SHOC2: variants seen among roughly 807,000 people sequenced by gnomAD.
SHOC2 encodes the protein SHOC2 leucine rich repeat scaffold protein.
Under a neutral mutation model 50.2 loss-of-function variants are expected in SHOC2, and 4 were observed. The ratio of observed to expected loss-of-function variants is 0.08; its 90% CI spans 0.04 to 0.18. The LOEUF (loss-of-function observed/expected upper bound fraction) is 0.18. Among genes scored for constraint, SHOC2 ranks in the 10% least tolerant of loss-of-function variants. The pLI is 1.00. For missense variants in SHOC2, 388 were observed against 669.6 expected (o/e 0.58, Z 4.64); for synonymous variants, 218 against 244.5 (o/e 0.89, Z 1.01).
At chr10:111,005,978 C>G (rs1366414122) in intron 5 of SHOC2, among the ~76,000 whole-genome samples, 1 of 152,122 alleles carries the variant, frequency 6.6e-6, no homozygotes, top group Non-Finnish European at 1.5e-5. Context: ...AATGGAAATT[C>G]AAGATACTCA....
chr10:110,952,379 G>A (rs1395159150), intron 1 of SHOC2, among the ~76,000 whole-genome samples: 2 of 152,012 alleles, frequency 1.3e-5, no homozygotes, highest in Admixed American at 1.3e-4. Flanking sequence ...CACAGAAAGT[G>A]CATAGTTTAC....
intron 1 of SHOC2, among the ~76,000 whole-genome samples, chr10:110,951,439 A>G (rs1435811288): frequency 6.6e-6 from 1 of 152,200 alleles, no homozygotes; most frequent in African/African-American, 2.4e-5. Flanking sequence ...ACACTGTTGT[A>G]AATTGGTACA....
At chr10:110,968,356 T>C (rs949883287) in intron 2 of SHOC2, among the ~76,000 whole-genome samples, 2 of 152,132 alleles carry the variant, frequency 1.3e-5, no homozygotes, top group African/African-American at 4.8e-5. Context: ...GTTTATAAAA[T>C]AAGACCTGTG....
At chr10:110,976,643 A>G (rs1847883591) in intron 2 of SHOC2, among the ~76,000 whole-genome samples, 3 of 152,162 alleles carry the variant, frequency 2.0e-5, no homozygotes. Flanking sequence ...TTTTCCTAAT[A>G]TAGCAATGCT....
chr10:111,005,817 T>A (rs1411751878), intron 5 of SHOC2, among the ~76,000 whole-genome samples: 1 of 152,240 alleles, frequency 6.6e-6, no homozygotes, highest in Admixed American at 6.5e-5. Flanking sequence ...GCTGATAGTA[T>A]TCTTCCTGTC....
chr10:110,985,874 T>A, intron 3 of SHOC2, 109 bp downstream of exon 3: 1 of 916,550 alleles, frequency 1.1e-6, no homozygotes, highest in Non-Finnish European at 1.8e-6. Context: ...AATTCACAAT[T>A]ACCAAAGTTG....
Position 110,966,692 on chromosome 10 carries a change from ATATTTTAAG to A in SHOC2, c.703+1634_703+1642del, listed in dbSNP as rs553513728. ...AGTGAATGTATCTTTTAAAATTGGCATATTTTAAGTAATTATGTGGCTTATATTTGTGGC... is the reference window on the plus strand; with the variant it reads ...AGTGAATGTATCTTTTAAAATTGGCATAATTATGTGGCTTATATTTGTGGC... On this transcript the variant is annotated intron_variant, in intron 2 of 8. Coordinates refer to ENST00000369452, the MANE Select transcript of SHOC2 (RefSeq NM_007373.4). Among the ~76,000 whole-genome samples the A allele has an allele frequency of 3.2e-3, 484 of 152,260 alleles. 25 individuals are homozygous for A. In the South Asian group the frequency reaches 0.092, roughly 29 times the overall value.
At chr10:110,970,194 G>A (rs748468505) in intron 2 of SHOC2, among the ~76,000 whole-genome samples, 17 of 151,814 alleles carry the variant, frequency 1.1e-4, no homozygotes, top group South Asian at 6.2e-4. Flanking sequence ...TCCCCATCCC[G>A]CTGCTCCCCA....
intron 2 of SHOC2, among the ~76,000 whole-genome samples, chr10:110,967,030 A>G (rs1847688525): frequency 6.6e-6 from 1 of 152,170 alleles, no homozygotes. Context: ...CTTTATAGGG[A>G]ACAAGAAAAT....
At chr10:110,936,920 A>G (rs747770016) in intron 1 of SHOC2, 68 of 1,398,300 alleles carry the variant, frequency 4.9e-5, no homozygotes, top group Non-Finnish European at 6.5e-5. Context: ...GATGCAGTCA[A>G]ACACCTTGAG....
In SHOC2 at chr10:111,012,010, T is replaced by C. The variant is rs1848575658; in HGVS notation, c.*192T>C. The C allele has an allele frequency of 1.7e-6, 1 of 586,560 alleles. No individual in the cohort carries two copies. The highest frequency in any genetic ancestry group is 3.0e-6 in the Non-Finnish European group (1 of 333,240). 36.3% of individuals were successfully genotyped at this position (586,560 alleles called of 1,614,324 possible). On this transcript the variant is annotated 3_prime_UTR_variant, in exon 9 of 9. Transcript: ENST00000369452. ...ATTCTGTACAAAAGGCTTATATAAG[T>C]TTTCTTTGCTGAATTTGATGGATGT...
In SHOC2 at chr10:110,979,268, A is replaced by G. The variant is rs553315560; in HGVS notation, c.704-6360A>G. Among the ~76,000 whole-genome samples, 6 of 152,352 alleles carry G rather than the reference A, an allele frequency of 3.9e-5. No individual in the cohort carries two copies. In the South Asian group the frequency reaches 1.2e-3, roughly 32 times the overall value. Reference sequence around the variant, plus strand: ...TCCTTTTCACATGGGTCTTTTCAACATGGCAGCTTGCCTTATCAAAGCGTG... The same window carrying G: ...TCCTTTTCACATGGGTCTTTTCAACGTGGCAGCTTGCCTTATCAAAGCGTG... On this transcript the variant is annotated intron_variant, in intron 2 of 8. Coordinates refer to ENST00000369452, the MANE Select transcript of SHOC2 (RefSeq NM_007373.4).
intron 3 of SHOC2, among the ~76,000 whole-genome samples, chr10:110,999,089 T>C (rs1294543556): frequency 1.3e-5 from 2 of 152,168 alleles, no homozygotes; most frequent in East Asian, 1.9e-4. Context: ...AAAATACTTA[T>C]CTCCAAAAAG....
At position 111,013,632 on chromosome 10, in the gene SHOC2, T is replaced by C. The variant is rs551193817; in HGVS notation, c.*1814T>C. 24 of 152,174 alleles carry C rather than the reference T, an allele frequency of 1.6e-4. No homozygotes were observed. The highest frequency in any genetic ancestry group is 2.6e-4 in the Non-Finnish European group (18 of 67,976). The allele number at this position is 152,174 out of a possible 1,614,324, so 9.4% of individuals were successfully genotyped here. A position where few individuals can be genotyped will look rare whatever the true frequency, so the allele number is the denominator to read the frequency against. On this transcript the variant is annotated 3_prime_UTR_variant, in exon 9 of 9. Coordinates refer to ENST00000369452, the MANE Select transcript of SHOC2 (RefSeq NM_007373.4). ...GTGGCTTTTCAGTTAAAATTTTGTT[T>C]ATAAAAGGAATTTGTTTATTACAGC...
intron 1 of SHOC2, among the ~76,000 whole-genome samples, chr10:110,952,889 A>G (rs1269442874): frequency 1.3e-5 from 2 of 152,182 alleles, no homozygotes; most frequent in Non-Finnish European, 2.9e-5. Context: ...AAAGGACATG[A>G]GCTCATTCTT....
chr10:110,982,755 T>C (rs1848006652), intron 2 of SHOC2, among the ~76,000 whole-genome samples: 1 of 152,206 alleles, frequency 6.6e-6, no homozygotes, highest in South Asian at 2.1e-4. Flanking sequence ...TTTTTGTGTC[T>C]TAAGTTCCTG....
chr10:110,956,848 G>A (rs1847473416), intron 1 of SHOC2, among the ~76,000 whole-genome samples: 1 of 151,176 alleles, frequency 6.6e-6, no homozygotes, highest in South Asian at 2.1e-4. Context: ...TCCGTTTAAT[G>A]TTCCTTTTAA....
intron 6 of SHOC2, 144 bp downstream of exon 6, chr10:111,007,797 A>G (rs1705540699): frequency 1.3e-6 from 1 of 796,344 alleles, no homozygotes; most frequent in Non-Finnish European, 2.1e-6. Flanking sequence ...CAACCCTAAT[A>G]GGATAATGAA....
intron 1 of SHOC2, among the ~76,000 whole-genome samples, chr10:110,949,272 C>A (rs1008341868): frequency 1.3e-5 from 2 of 152,016 alleles, no homozygotes; most frequent in Non-Finnish European, 2.9e-5. Context: ...ACAGCTGATA[C>A]AACAGAAATA....
Sources: allele counts gnomAD v4.1 joint callset (sites outside exome capture counted in the v4.1 genomes callset), GRCh38; gene constraint gnomAD v4.1.1; transcripts MANE v1.5; gene names NCBI Gene and HGNC (gene_info 2026-07-23, HGNC 2026-07-21).